MNAT1: variants seen among roughly 807,000 people sequenced by gnomAD.
MNAT1 encodes MNAT1 component of CDK activating kinase, also known as CDK-activating kinase assembly factor MAT1.
Under a neutral mutation model 42.0 loss-of-function variants are expected in MNAT1, and 43 were observed. The observed-to-expected ratio is 1.02, with a 90% CI of 0.80 to 1.32. The LOEUF is 1.32. Among genes scored for constraint, MNAT1 ranks in the 40% most tolerant of loss-of-function variants. The pLI, the probability that MNAT1 is intolerant of heterozygous loss-of-function variation, is 0.00. For missense variants in MNAT1, 306 were observed against 350.4 expected (o/e 0.87, Z 1.01); for synonymous variants, 118 against 120.0 (o/e 0.98, Z 0.11).
chr14:60,811,304 T>C (rs1232099354), intron 4 of MNAT1, among the ~76,000 whole-genome samples: 19 of 143,334 alleles, frequency 1.3e-4, no homozygotes, highest in South Asian at 6.7e-4. Flanking sequence ...CTTTCTTTTT[T>C]TTTTTTTTTT....
chr14:60,949,530 T>A (rs1231252649), intron 7 of MNAT1, among the ~76,000 whole-genome samples: 1 of 152,162 alleles, frequency 6.6e-6, no homozygotes, highest in Non-Finnish European at 1.5e-5. Context: ...TATTTTTATT[T>A]AAAATATTAT....
At chr14:60,851,046 C>CT (rs2033809244) in intron 6 of MNAT1, among the ~76,000 whole-genome samples, 1 of 152,014 alleles carries the variant, frequency 6.6e-6, no homozygotes, top group Admixed American at 6.6e-5. Flanking sequence ...TAACTTTATT[C>CT]TTTTTTGGGT....
intron 7 of MNAT1, among the ~76,000 whole-genome samples, chr14:60,946,223 G>A (rs1056319429): frequency 4.6e-5 from 7 of 152,046 alleles, no homozygotes; most frequent in South Asian, 2.1e-4. Context: ...CCACATAGTC[G>A]CTTCATCAAC....
Position 60,798,308 on chromosome 14 carries a change from T to C in MNAT1, c.316+148T>C, listed in dbSNP as rs994666832. 2.8e-5 allele frequency: 14 copies of C among 504,436 alleles called. No homozygotes were observed. The South Asian group carries it at 3.7e-4, about 13-fold the overall frequency. 31.2% of individuals were successfully genotyped at this position (504,436 alleles called of 1,614,324 possible). On this transcript the variant is annotated intron_variant, in intron 3 of 7. Transcript: ENST00000261245. ...CTAATTACTTTCTTTTGCACTTGAG[T>C]CATGTTTGTCAAATTGAAGGCATAC...
chr14:60,832,709 T>G (rs1201296818), intron 6 of MNAT1, among the ~76,000 whole-genome samples: 1 of 152,178 alleles, frequency 6.6e-6, no homozygotes, highest in East Asian at 1.9e-4. Context: ...TTTCTAATTC[T>G]TTGAAGAAAG....
chr14:60,913,527 T>G lies in MNAT1; in HGVS notation c.809+33692T>G, dbSNP rs886711281. ...TTTGGTGTGGATGGCCTTTCTGTTT[T>G]TTAGTTTTCCTTCTAACAGTCAGGA... On this transcript the variant is annotated intron_variant, in intron 7 of 7. Coordinates refer to ENST00000261245, the MANE Select transcript of MNAT1 (RefSeq NM_002431.4). Among the ~76,000 whole-genome samples, 3 of 152,160 alleles carry G rather than the reference T, an allele frequency of 2.0e-5. No individual in the cohort carries two copies. The East Asian group carries it at 5.8e-4, about 29-fold the overall frequency.
chr14:60,745,531 C>T (rs1156396704), intron 1 of MNAT1, among the ~76,000 whole-genome samples: 1 of 152,148 alleles, frequency 6.6e-6, no homozygotes, highest in African/African-American at 2.4e-5. Flanking sequence ...ATTCTCATGC[C>T]TCAGCCTCCT....
At chr14:60,842,448 C>A (rs1490549768) in intron 6 of MNAT1, among the ~76,000 whole-genome samples, 1 of 152,150 alleles carries the variant, frequency 6.6e-6, no homozygotes, top group Non-Finnish European at 1.5e-5. Context: ...GAAGCCAGGG[C>A]AATCAAAGGG....
At chr14:60,932,883 A>G (rs1284665006) in intron 7 of MNAT1, among the ~76,000 whole-genome samples, 1 of 152,108 alleles carries the variant, frequency 6.6e-6, no homozygotes, top group African/African-American at 2.4e-5. Flanking sequence ...AAATATAACC[A>G]TAATCTTAAA....
intron 7 of MNAT1, among the ~76,000 whole-genome samples, chr14:60,962,838 T>C (rs547489658): frequency 3.9e-5 from 6 of 152,364 alleles, no homozygotes; most frequent in African/African-American, 1.4e-4. Flanking sequence ...AGTGTATTGA[T>C]GTAAATCTGA....
In MNAT1 at chr14:60,954,409, T is replaced by C. The variant is rs542876973; in HGVS notation, c.810-13820T>C. Among the ~76,000 whole-genome samples, 4 of 152,318 alleles carry C rather than the reference T, an allele frequency of 2.6e-5. No homozygotes were observed. In the East Asian group the frequency reaches 7.7e-4, roughly 29 times the overall value. On this transcript the variant is annotated intron_variant, in intron 7 of 7. Coordinates refer to ENST00000261245, the MANE Select transcript of MNAT1 (RefSeq NM_002431.4). Reference sequence around the variant, plus strand: ...GTCTCCAATGTCTTTCATCAGAGTTTTATAGTTTTCAGTGTATAGATCTTC... The same window carrying C: ...GTCTCCAATGTCTTTCATCAGAGTTCTATAGTTTTCAGTGTATAGATCTTC...
At chr14:60,937,633 C>G (rs2036030593) in intron 7 of MNAT1, among the ~76,000 whole-genome samples, 1 of 152,102 alleles carries the variant, frequency 6.6e-6, no homozygotes, top group South Asian at 2.1e-4. Flanking sequence ...GTTACTGTAG[C>G]CTTGTAATAT....
chr14:60,808,276 G>T (rs542707752), intron 3 of MNAT1, 49 bp from the exon 4 acceptor site: 11 of 1,193,034 alleles, frequency 9.2e-6, no homozygotes, highest in Admixed American at 5.4e-5. Context: ...GTCTACTCAA[G>T]ATTTATATTA....
intron 7 of MNAT1, among the ~76,000 whole-genome samples, chr14:60,918,327 G>A (rs2035577050): frequency 7.1e-6 from 1 of 140,848 alleles, no homozygotes; most frequent in East Asian, 2.3e-4. Flanking sequence ...TCCTGCCTCA[G>A]CCTCCTGAGT....
intron 7 of MNAT1, among the ~76,000 whole-genome samples, chr14:60,910,999 T>C (rs139817297): frequency 6.6e-6 from 1 of 152,190 alleles, no homozygotes; most frequent in Non-Finnish European, 1.5e-5. Context: ...TCTCTATTTC[T>C]GAGCCTGTTA....
At chr14:60,816,837 A>T (rs2139361235) in intron 5 of MNAT1, among the ~76,000 whole-genome samples, 1 of 152,164 alleles carries the variant, frequency 6.6e-6, no homozygotes, top group East Asian at 1.9e-4. Context: ...AGTAGGTTGG[A>T]ACTAAATTCT....
At chr14:60,799,369 A>G (rs1279275631) in intron 3 of MNAT1, 6 of 985,318 alleles carry the variant, frequency 6.1e-6, no homozygotes, top group Non-Finnish European at 4.8e-6. Flanking sequence ...AAAGAAATCT[A>G]CAAGAACTGG....
intron 5 of MNAT1, among the ~76,000 whole-genome samples, chr14:60,813,339 A>G (rs2032614217): frequency 6.6e-6 from 1 of 152,184 alleles, no homozygotes; most frequent in Non-Finnish European, 1.5e-5. Flanking sequence ...TCCCTCCCAC[A>G]TAGAGTTGAG....
At chr14:60,904,096 C>T (rs550553245) in intron 7 of MNAT1, among the ~76,000 whole-genome samples, 4 of 152,260 alleles carry the variant, frequency 2.6e-5, no homozygotes, top group African/African-American at 9.6e-5. Flanking sequence ...TGGTCTTGAA[C>T]TCCTGACCTT....
Sources: gnomAD v4.1 joint callset for allele counts (sites outside exome capture counted in the v4.1 genomes callset) on GRCh38, gnomAD v4.1.1 for gene constraint, MANE v1.5 for transcripts, NCBI Gene and HGNC (gene_info 2026-07-23, HGNC 2026-07-21) for gene names.